The following ADGRL4 variants were observed in gnomAD, a reference collection of about 807,000 sequenced individuals.
ADGRL4 encodes the protein EGF, latrophilin and seven transmembrane domain containing 1.
A neutral mutation model predicts 74.8 loss-of-function variants in ADGRL4; 90 were observed. The ratio of observed to expected loss-of-function variants is 1.20; its 90% CI spans 1.02 to 1.43. The LOEUF is 1.43. Ranked by LOEUF, ADGRL4 falls within the 40% of genes most tolerant of loss-of-function variation. The probability of loss-of-function intolerance (pLI) is 0.00; values close to 1 mark genes in which losing one functional copy is unlikely to be tolerated. For synonymous variants in ADGRL4, 311 were observed against 279.2 expected (o/e 1.11, Z -1.14); for missense variants, 881 against 814.3 (o/e 1.08, Z -1.00).
At chr1:78,937,757 T>C (rs773227067) in intron 6 of ADGRL4, 50 bp downstream of exon 6, 8 of 1,551,666 alleles carry the variant, frequency 5.2e-6, no homozygotes, top group South Asian at 3.7e-5. Context: ...ACTTTGAAAA[T>C]GGCTTATTTG....
At chr1:78,957,480 G>T (rs1906830) in intron 2 of ADGRL4, among the ~76,000 whole-genome samples, 2,186 of 152,254 alleles carry the variant, frequency 0.014, 53 homozygotes, top group African/African-American at 0.05. Flanking sequence ...CCTTATTGTT[G>T]ATACGGTGAA....
intron 4 of ADGRL4, among the ~76,000 whole-genome samples, chr1:78,938,527 A>T (rs1170611428): frequency 3.0e-5 from 3 of 101,514 alleles, no homozygotes. Flanking sequence ...TGAATTAATA[A>T]TTTTTTTAAA....
At chr1:78,986,461 A>T (rs1174425413) in intron 2 of ADGRL4, among the ~76,000 whole-genome samples, 1 of 151,450 alleles carries the variant, frequency 6.6e-6, no homozygotes, top group Non-Finnish European at 1.5e-5. Context: ...AAAAAGAAAA[A>T]AGAAAATTAA....
At chr1:78,953,122 T>C (rs1033040466) in intron 2 of ADGRL4, among the ~76,000 whole-genome samples, 1 of 152,192 alleles carries the variant, frequency 6.6e-6, no homozygotes, top group Non-Finnish European at 1.5e-5. Context: ...AACAATCTTA[T>C]GTTTGTACAT....
intron 2 of ADGRL4, among the ~76,000 whole-genome samples, chr1:78,947,754 A>T (rs567933609): frequency 6.6e-6 from 1 of 152,298 alleles, no homozygotes; most frequent in Admixed American, 6.5e-5. Flanking sequence ...TATTCTGAAG[A>T]TTGTAAGAAG....
At chr1:79,000,999 T>C (rs1188863692) in intron 2 of ADGRL4, among the ~76,000 whole-genome samples, 2 of 152,036 alleles carry the variant, frequency 1.3e-5, no homozygotes, top group Non-Finnish European at 1.5e-5. Flanking sequence ...AAAACATACA[T>C]ATAATATTCG....
intron 12 of ADGRL4, among the ~76,000 whole-genome samples, chr1:78,915,422 A>G (rs997718830): frequency 1.3e-5 from 2 of 151,926 alleles, no homozygotes; most frequent in Non-Finnish European, 2.9e-5. Context: ...TACTCTTACT[A>G]TTTTGATTCC....
intron 12 of ADGRL4, among the ~76,000 whole-genome samples, chr1:78,910,493 A>T: frequency 6.6e-6 from 1 of 151,800 alleles, no homozygotes; most frequent in Non-Finnish European, 1.5e-5. Flanking sequence ...CCTTACTTGG[A>T]CATAGCTTAA....
chr1:78,934,428 A>G (rs909310823), intron 7 of ADGRL4, among the ~76,000 whole-genome samples: 3 of 152,200 alleles, frequency 2.0e-5, no homozygotes, highest in Non-Finnish European at 4.4e-5. Flanking sequence ...ACTTAAATGT[A>G]AAACCCAAAA....
In ADGRL4 at chr1:78,917,822, T is replaced by C; in HGVS notation, c.1682+8A>G. 1.2e-6 allele frequency: 2 copies of C among 1,610,616 alleles called. No individual in the cohort carries two copies. Among genetic ancestry groups the C allele is most frequent in the Non-Finnish European group, 1.7e-6 (2 of 1,177,492 alleles). ...ATTTCAAATGCTCATGAAATCATTTTAACTTACACTTTGGTTGTGCCATAA... is the reference window on the plus strand; with the variant it reads ...ATTTCAAATGCTCATGAAATCATTTCAACTTACACTTTGGTTGTGCCATAA... On this transcript the variant is annotated splice_region_variant and intron_variant, in intron 11 of 14. Coordinates refer to ENST00000370742, the MANE Select transcript of ADGRL4 (RefSeq NM_022159.4).
chr1:78,926,814 T>G (rs888971948), intron 8 of ADGRL4, 72 bp downstream of exon 8: 3 of 1,080,628 alleles, frequency 2.8e-6, no homozygotes, highest in Non-Finnish European at 4.1e-6. Flanking sequence ...ATAATTTAAG[T>G]GACACAACAA....
chr1:78,998,036 C>G (rs1464034361), intron 2 of ADGRL4, among the ~76,000 whole-genome samples: 1 of 152,180 alleles, frequency 6.6e-6, no homozygotes, highest in Non-Finnish European at 1.5e-5. Flanking sequence ...AATGTCCAAT[C>G]TGTGTAGCCT....
At chr1:78,968,808 T>A (rs1430057325) in intron 2 of ADGRL4, among the ~76,000 whole-genome samples, 2 of 152,182 alleles carry the variant, frequency 1.3e-5, no homozygotes, top group Non-Finnish European at 2.9e-5. Flanking sequence ...CACAGACGAT[T>A]GTTATCTGGT....
At chr1:78,961,194 G>A (rs573491261) in intron 2 of ADGRL4, among the ~76,000 whole-genome samples, 1 of 151,996 alleles carries the variant, frequency 6.6e-6, no homozygotes, top group Non-Finnish European at 1.5e-5. Context: ...TGATTCTCCT[G>A]CCTCAGCCTC....
chr1:78,992,522 A>G (rs1650625851), intron 2 of ADGRL4, among the ~76,000 whole-genome samples: 1 of 152,108 alleles, frequency 6.6e-6, no homozygotes, highest in South Asian at 2.1e-4. Context: ...TTCAAGTGTT[A>G]GAGTTTGTTC....
At chr1:78,955,482 T>C (rs1649809893) in intron 2 of ADGRL4, among the ~76,000 whole-genome samples, 1 of 152,102 alleles carries the variant, frequency 6.6e-6, no homozygotes, top group South Asian at 2.1e-4. Flanking sequence ...TTTATGATCT[T>C]GTATCGCAAT....
intron 2 of ADGRL4, among the ~76,000 whole-genome samples, chr1:78,982,802 T>G (rs1342289029): frequency 6.6e-6 from 1 of 151,636 alleles, no homozygotes; most frequent in Admixed American, 6.6e-5. Context: ...TCAGAAATGC[T>G]TTCTGGGGGC....
chr1:78,923,764 T>A (rs575158944), intron 8 of ADGRL4, among the ~76,000 whole-genome samples: 1 of 151,220 alleles, frequency 6.6e-6, no homozygotes, highest in Non-Finnish European at 1.5e-5. Context: ...AAGTATAAAG[T>A]AAAAATAAAA....
intron 1 of ADGRL4, among the ~76,000 whole-genome samples, chr1:79,005,705 A>G (rs1252913132): frequency 2.0e-5 from 3 of 152,212 alleles, no homozygotes; most frequent in African/African-American, 7.2e-5. Flanking sequence ...AGGAGAACAG[A>G]TGCACTTGCT....
Sources: allele counts gnomAD v4.1 joint callset (sites outside exome capture counted in the v4.1 genomes callset), GRCh38; gene constraint gnomAD v4.1.1; transcripts MANE v1.5; gene names NCBI Gene and HGNC (gene_info 2026-07-23, HGNC 2026-07-21).